Variants in TNNI3K observed in about 807,000 individuals in gnomAD.
TNNI3K encodes TNNI3 interacting kinase.
TNNI3K carries 140 observed loss-of-function variants against 114.5 expected under a neutral mutation model. The observed-to-expected ratio is 1.22, with a 90% confidence interval of 1.07 to 1.41. TNNI3K has a LOEUF of 1.41. TNNI3K is among the 40% of genes most tolerant of loss of function. TNNI3K has a pLI of 0.00. For synonymous variants in TNNI3K, 347 were observed against 347.5 expected (o/e 1.00, Z 0.02); for missense variants, 1,125 against 1,007.6 (o/e 1.12, Z -1.58).
At chr1:74,437,319 T>C (rs1025982719) in intron 19 of TNNI3K, among the ~76,000 whole-genome samples, 8 of 152,090 alleles carry the variant, frequency 5.3e-5, no homozygotes, top group Non-Finnish European at 1.0e-4. Flanking sequence ...TCTCTTCTTG[T>C]TCATTTTTTG....
At chr1:74,336,968 A>G (rs975307009) in intron 7 of TNNI3K, among the ~76,000 whole-genome samples, 5 of 151,844 alleles carry the variant, frequency 3.3e-5, no homozygotes, top group Non-Finnish European at 5.9e-5. Context: ...TCCCACCAAC[A>G]GTGTAAAAGT....
intron 21 of TNNI3K, chr1:74,469,290 T>C (rs1321611267): frequency 6.6e-6 from 1 of 152,550 alleles, no homozygotes; most frequent in African/African-American, 2.4e-5. Context: ...ATAACAAGTT[T>C]TAAAGACTTC....
chr1:74,520,785 G>A (rs1487184428), intron 23 of TNNI3K, among the ~76,000 whole-genome samples: 2 of 152,092 alleles, frequency 1.3e-5, no homozygotes, highest in African/African-American at 4.8e-5. Flanking sequence ...CCTTTGAGTT[G>A]CAACATGTGG....
chr1:74,335,692 T>TG (rs1400751022), intron 6 of TNNI3K, among the ~76,000 whole-genome samples: 3 of 152,196 alleles, frequency 2.0e-5, no homozygotes, highest in Non-Finnish European at 4.4e-5. Flanking sequence ...AATGGTCGCT[T>TG]GTTCCAAAAG....
At chr1:74,388,293 A>T (rs1232994083) in intron 17 of TNNI3K, among the ~76,000 whole-genome samples, 1 of 151,886 alleles carries the variant, frequency 6.6e-6, no homozygotes, top group Non-Finnish European at 1.5e-5. Context: ...AAATAATAAT[A>T]ATTTTTTTCT....
intron 23 of TNNI3K, among the ~76,000 whole-genome samples, chr1:74,504,971 G>T (rs1669819212): frequency 6.6e-6 from 1 of 152,188 alleles, no homozygotes; most frequent in Non-Finnish European, 1.5e-5. Context: ...AATAAATGGT[G>T]ACAGATTTCT....
intron 5 of TNNI3K, among the ~76,000 whole-genome samples, chr1:74,294,265 G>A (rs1318095222): frequency 6.6e-6 from 1 of 151,770 alleles, no homozygotes; most frequent in African/African-American, 2.4e-5. Flanking sequence ...AAATTAGAAA[G>A]TTCTATTCTT....
intron 20 of TNNI3K, among the ~76,000 whole-genome samples, chr1:74,458,601 A>G (rs1667323219): frequency 6.6e-6 from 1 of 152,214 alleles, no homozygotes; most frequent in Admixed American, 6.5e-5. Flanking sequence ...ATGGCTAGGC[A>G]TTGTGCCCTA....
At chr1:74,533,932 A>T (rs1241417392) in intron 23 of TNNI3K, among the ~76,000 whole-genome samples, 1 of 152,092 alleles carries the variant, frequency 6.6e-6, no homozygotes, top group African/African-American at 2.4e-5. Context: ...AGTCTGAAAA[A>T]CTTTTGTTCA....
chr1:74,540,901 T>C (rs1413643566), intron 24 of TNNI3K, among the ~76,000 whole-genome samples: 2 of 152,182 alleles, frequency 1.3e-5, no homozygotes, highest in Non-Finnish European at 2.9e-5. Context: ...AATAAAGCTC[T>C]TTGAAATAAT....
intron 23 of TNNI3K, among the ~76,000 whole-genome samples, chr1:74,533,719 AT>A (rs1419186475): frequency 6.6e-6 from 1 of 151,282 alleles, no homozygotes; most frequent in Non-Finnish European, 1.5e-5. Context: ...ACACCATGGA[AT>A]ACTATGCAGC....
At chr1:74,242,071 G>C (rs545473659) in intron 2 of TNNI3K, among the ~76,000 whole-genome samples, 166 of 152,010 alleles carry the variant, frequency 1.1e-3, no homozygotes, top group African/African-American at 3.8e-3. Flanking sequence ...GGATGGTCTC[G>C]ATCTCCTGAC....
intron 2 of TNNI3K, among the ~76,000 whole-genome samples, chr1:74,241,186 G>C (rs975799240): frequency 5.9e-5 from 9 of 152,090 alleles, no homozygotes; most frequent in African/African-American, 2.2e-4. Context: ...TGGACATTTG[G>C]GTTGGTGCTT....
intron 17 of TNNI3K, among the ~76,000 whole-genome samples, chr1:74,390,129 G>A (rs1202305948): frequency 6.6e-6 from 1 of 152,058 alleles, no homozygotes; most frequent in East Asian, 1.9e-4. Context: ...AATGTAGAGA[G>A]CATCTTCATA....
At chr1:74,238,281 A>G (rs1452807450) in intron 2 of TNNI3K, among the ~76,000 whole-genome samples, 2 of 152,062 alleles carry the variant, frequency 1.3e-5, no homozygotes, top group African/African-American at 4.8e-5. Flanking sequence ...TAAGCTGTAT[A>G]TCCATGGATA....
At chr1:74,507,350 G>T (rs780664151) in intron 23 of TNNI3K, among the ~76,000 whole-genome samples, 13 of 151,602 alleles carry the variant, frequency 8.6e-5, no homozygotes, top group Non-Finnish European at 1.9e-4. Flanking sequence ...CATGTTTGCT[G>T]TTACTATATT....
intron 5 of TNNI3K, among the ~76,000 whole-genome samples, chr1:74,281,335 T>TGTGTGTGTGTGG (rs1321819541): frequency 0.043 from 10 of 232 alleles, no homozygotes; most frequent in African/African-American, 0.068. Flanking sequence ...CAATAATAGA[T>TGTGTGTGTGTGG]GTGTGTGTGT....
chr1:74,472,729 T>A (rs1667999081), intron 21 of TNNI3K, among the ~76,000 whole-genome samples: 2 of 152,160 alleles, frequency 1.3e-5, no homozygotes, highest in Non-Finnish European at 2.9e-5. Flanking sequence ...TCCCATAACT[T>A]AATAAAATGT....
chr1:74,347,981 T>C (rs1397301573), intron 9 of TNNI3K, among the ~76,000 whole-genome samples: 1 of 152,258 alleles, frequency 6.6e-6, no homozygotes, highest in Non-Finnish European at 1.5e-5. Flanking sequence ...TCTTTTGCTG[T>C]GCAGAAGTTC....
Sources: allele counts gnomAD v4.1 joint callset (sites outside exome capture counted in the v4.1 genomes callset), GRCh38; gene constraint gnomAD v4.1.1; transcripts MANE v1.5; gene names NCBI Gene and HGNC (gene_info 2026-07-23, HGNC 2026-07-21).